Variants in RETREG1 observed in about 807,000 individuals in gnomAD.
RETREG1 encodes the protein family with sequence similarity 134 member B.
A neutral mutation model predicts 54.8 loss-of-function variants in RETREG1; 44 were observed. The observed-to-expected ratio is 0.80, with a 90% CI of 0.63 to 1.03. The LOEUF is 1.03. Among genes scored for constraint, RETREG1 ranks in the 50% least tolerant of loss-of-function variants. RETREG1 has a pLI of 0.00. For missense variants in RETREG1, 554 were observed against 605.1 expected, an observed-to-expected ratio of 0.92 and a Z score of 0.89; for synonymous variants, 217 against 238.5, an observed-to-expected ratio of 0.91 and a Z score of 0.83.
chr5:16,577,464 T>C (rs962768930), intron 1 of RETREG1, among the ~76,000 whole-genome samples: 5 of 152,074 alleles, frequency 3.3e-5, no homozygotes, highest in African/African-American at 1.2e-4. Context: ...GGCCCTTCAC[T>C]CCTGCTTCGA....
intron 3 of RETREG1, among the ~76,000 whole-genome samples, chr5:16,547,222 A>G (rs1243041760): frequency 2.0e-5 from 3 of 152,190 alleles, no homozygotes; most frequent in African/African-American, 7.2e-5. Flanking sequence ...CGACAGGGTG[A>G]CTGTGGAAAG....
chr5:16,483,593 G>A, intron 3 of RETREG1, 121 bp from the exon 4 acceptor site: 5 of 993,378 alleles, frequency 5.0e-6, no homozygotes, highest in Non-Finnish European at 7.7e-6. Flanking sequence ...AAAGCCCTGT[G>A]AATTCAGAAG....
At chr5:16,603,099 A>C (rs1743091301) in intron 1 of RETREG1, among the ~76,000 whole-genome samples, 1 of 152,210 alleles carries the variant, frequency 6.6e-6, no homozygotes, top group African/African-American at 2.4e-5. Flanking sequence ...TCGCTCCTAG[A>C]AACAGGACTG....
intron 3 of RETREG1, among the ~76,000 whole-genome samples, chr5:16,516,129 T>C (rs1386295695): frequency 6.7e-6 from 1 of 149,718 alleles, no homozygotes; most frequent in African/African-American, 2.5e-5. Flanking sequence ...GCACCCCAAA[T>C]GTCTGGTAAA....
At chr5:16,582,393 ATTTT>A (rs11322422) in intron 1 of RETREG1, among the ~76,000 whole-genome samples, 2 of 147,920 alleles carry the variant, frequency 1.4e-5, no homozygotes, top group Non-Finnish European at 3.0e-5. Context: ...TATTTCTCCT[ATTTT>A]TTTTTTCTAT....
In RETREG1 at chr5:16,616,766, G is replaced by C; in HGVS notation, c.206C>G (p.Thr69Ser). The change falls in exon 1 of 9, where the codon ACC (threonine) becomes AGC (serine). Residue 69 changes from threonine to serine, a missense_variant. Physicochemically the swap from Thr to Ser is moderately conservative, Grantham distance 58 (BLOSUM62 1). Coordinates refer to ENST00000306320, the MANE Select transcript of RETREG1 (RefSeq NM_001034850.3). ...EAAGRAAAAV[T>S]WLLGEPVLWL... ...CAGCACCGGCTCCCCGAGCAGCCAG[G>C]TTACCGCGGCCGCCGCCCGGCCCGC... 6.4e-7 allele frequency: 1 copy of C among 1,550,968 alleles called. No individual in the cohort carries two copies. The highest frequency in any genetic ancestry group is 2.4e-5 in the East Asian group (1 of 41,336).
chr5:16,557,606 T>A (rs974233656), intron 3 of RETREG1, among the ~76,000 whole-genome samples: 1 of 152,206 alleles, frequency 6.6e-6, no homozygotes, highest in African/African-American at 2.4e-5. Flanking sequence ...GACTCTCTAT[T>A]GTGCAATATA....
chr5:16,544,292 T>C (rs1456217577), intron 3 of RETREG1, among the ~76,000 whole-genome samples: 1 of 152,220 alleles, frequency 6.6e-6, no homozygotes, highest in Non-Finnish European at 1.5e-5. Flanking sequence ...CAAGTTTTAA[T>C]AGTTCTTTAT....
At chr5:16,483,220 T>G in intron 4 of RETREG1, 126 bp downstream of exon 4, 2 of 1,094,018 alleles carry the variant, frequency 1.8e-6, no homozygotes, top group East Asian at 4.7e-5. Flanking sequence ...CCAGCTTTTA[T>G]GGCATATGTT....
chr5:16,477,286 G>A (rs949084789), intron 8 of RETREG1, among the ~76,000 whole-genome samples: 1 of 152,106 alleles, frequency 6.6e-6, no homozygotes, highest in African/African-American at 2.4e-5. Flanking sequence ...AGCTGTACAA[G>A]CAGCATCACT....
intron 3 of RETREG1, among the ~76,000 whole-genome samples, chr5:16,562,266 G>T (rs1741875603): frequency 6.6e-6 from 1 of 152,178 alleles, no homozygotes. Context: ...AGTGAGCTGA[G>T]ATCGCGCCAT....
chr5:16,505,248 A>G (rs894497344), intron 3 of RETREG1, among the ~76,000 whole-genome samples: 2 of 152,130 alleles, frequency 1.3e-5, no homozygotes, highest in South Asian at 2.1e-4. Flanking sequence ...TCCTTACTAT[A>G]TGACAAGTCC....
rs553628617 is a variant in RETREG1, at chr5:16,577,629, C to T, written c.321-5527G>A. On this transcript the variant is annotated intron_variant, in intron 1 of 8. Coordinates refer to ENST00000306320, the MANE Select transcript of RETREG1 (RefSeq NM_001034850.3). The stretch of plus-strand genomic sequence containing the variant: ...AGATAGTGAAGCAGTTCCCTAGTGT[C>T]CTCTAAAGGTAACTGATATGGTTTG... Among the ~76,000 whole-genome samples the T allele has an allele frequency of 7.2e-5, 11 of 152,192 alleles. No individual in the cohort carries two copies. In the South Asian group the frequency reaches 2.3e-3, roughly 32 times the overall value.
intron 2 of RETREG1, among the ~76,000 whole-genome samples, chr5:16,571,703 G>C (rs143126850): frequency 6.6e-6 from 1 of 152,046 alleles, no homozygotes; most frequent in East Asian, 1.9e-4. Context: ...CATCATGTGA[G>C]ATGTAATAAA....
chr5:16,528,838 A>G (rs1304140549), intron 3 of RETREG1, among the ~76,000 whole-genome samples: 1 of 152,174 alleles, frequency 6.6e-6, no homozygotes, highest in East Asian at 1.9e-4. Flanking sequence ...GCCTGCCACA[A>G]TACTCAATCC....
intron 1 of RETREG1, among the ~76,000 whole-genome samples, chr5:16,591,016 T>C (rs1238476621): frequency 6.6e-6 from 1 of 152,008 alleles, no homozygotes; most frequent in African/African-American, 2.4e-5. Context: ...TACACCTCAG[T>C]CCAAAAACCA....
chr5:16,490,905 G>T (rs978189044), intron 3 of RETREG1, among the ~76,000 whole-genome samples: 1 of 152,116 alleles, frequency 6.6e-6, no homozygotes, highest in Non-Finnish European at 1.5e-5. Context: ...GTTAAAAAGC[G>T]GCTTTGGTTC....
intron 3 of RETREG1, among the ~76,000 whole-genome samples, chr5:16,562,097 C>T (rs756889742): frequency 6.6e-6 from 1 of 152,172 alleles, no homozygotes; most frequent in Non-Finnish European, 1.5e-5. Flanking sequence ...AGGCAGATCA[C>T]CTGAGGTCGG....
At chr5:16,542,841 G>T (rs182779249) in intron 3 of RETREG1, among the ~76,000 whole-genome samples, 1 of 152,106 alleles carries the variant, frequency 6.6e-6, no homozygotes, top group African/African-American at 2.4e-5. Context: ...CTTTATTGAT[G>T]TATAACTGAC....
Sources: allele counts gnomAD v4.1 joint callset (sites outside exome capture counted in the v4.1 genomes callset), GRCh38; gene constraint gnomAD v4.1.1; transcripts MANE v1.5; gene names NCBI Gene and HGNC (gene_info 2026-07-23, HGNC 2026-07-21).